The following PCDH11X variants were observed in gnomAD, a reference collection of about 807,000 sequenced individuals.
The protein encoded by PCDH11X is protocadherin-11 X-linked.
In PCDH11X, 18 loss-of-function variants were observed where a neutral mutation model predicts 53.3. The observed-to-expected ratio is 0.34, with a 90% confidence interval of 0.23 to 0.50. PCDH11X has a LOEUF of 0.50. Among genes scored for constraint, PCDH11X ranks in the 20% least tolerant of loss-of-function variants. The pLI is 0.98. For missense variants in PCDH11X, 570 were observed against 1,032.4 expected, an observed-to-expected ratio of 0.55 and a Z score of 6.14; for synonymous variants, 279 against 393.3, an observed-to-expected ratio of 0.71 and a Z score of 3.44.
intron 1 of PCDH11X, among the ~76,000 whole-genome samples, chrX:91,803,670 A>G (rs1322641213): frequency 9.0e-6 from 1 of 111,512 alleles, no homozygotes; most frequent in African/African-American, 3.3e-5. Context: ...ATAACAGTGC[A>G]TATATCATAA....
chrX:92,004,077 T>C (rs1419083867), intron 6 of PCDH11X, among the ~76,000 whole-genome samples: 1 of 109,786 alleles, frequency 9.1e-6, no homozygotes, highest in African/African-American at 3.3e-5. Flanking sequence ...TTTTGGTATG[T>C]TGTGTTTCCA....
intron 6 of PCDH11X, among the ~76,000 whole-genome samples, chrX:92,186,647 A>AG (rs56064309): frequency 9.3e-6 from 1 of 107,185 alleles, no homozygotes; most frequent in Non-Finnish European, 1.9e-5. Context: ...AAAAAAAAAA[A>AG]GAGAATAGTT....
chrX:92,220,897 T>C (rs1450387920), intron 7 of PCDH11X, among the ~76,000 whole-genome samples: 1 of 106,534 alleles, frequency 9.4e-6, no homozygotes, highest in Non-Finnish European at 1.9e-5. Context: ...ATGTCCTTTG[T>C]AAGGACATGG....
intron 8 of PCDH11X, among the ~76,000 whole-genome samples, chrX:92,275,708 A>G (rs1218794689): frequency 2.7e-5 from 3 of 111,745 alleles, no homozygotes; most frequent in Non-Finnish European, 3.8e-5. Context: ...GACAGGTAAA[A>G]TGGGGGAATG....
intron 8 of PCDH11X, among the ~76,000 whole-genome samples, chrX:92,307,720 G>T (rs1013164259): frequency 2.0e-5 from 2 of 100,183 alleles, no homozygotes; most frequent in South Asian, 9.9e-4. Context: ...TTGCATGAAG[G>T]TCTCATGGCA....
At chrX:91,783,165 G>A (rs1935218392) in intron 1 of PCDH11X, among the ~76,000 whole-genome samples, 1 of 111,903 alleles carries the variant, frequency 8.9e-6, no homozygotes, top group African/African-American at 3.3e-5. Context: ...TCTTCCCTTT[G>A]ATGAAAAGCT....
intron 7 of PCDH11X, among the ~76,000 whole-genome samples, chrX:92,254,501 T>C (rs2067524643): frequency 2.8e-5 from 3 of 108,672 alleles, no homozygotes; most frequent in African/African-American, 1.0e-4. Context: ...AGCTGGTTAT[T>C]TTGCGCGTTA....
At chrX:92,345,011 T>A (rs1170710389) in intron 8 of PCDH11X, among the ~76,000 whole-genome samples, 10 of 109,545 alleles carry the variant, frequency 9.1e-5, no homozygotes, top group Non-Finnish European at 1.7e-4. Flanking sequence ...TCTTTCCTTT[T>A]TAAAAATATT....
intron 8 of PCDH11X, among the ~76,000 whole-genome samples, chrX:92,363,455 T>A (rs1315004455): frequency 1.8e-5 from 2 of 111,182 alleles, no homozygotes; most frequent in African/African-American, 6.5e-5. Context: ...ATATTGTTCA[T>A]TGTTAGTGTT....
At chrX:92,136,200 A>G (rs2065080200) in intron 6 of PCDH11X, among the ~76,000 whole-genome samples, 1 of 110,862 alleles carries the variant, frequency 9.0e-6, no homozygotes, top group Admixed American at 9.8e-5. Context: ...CTGAGCAAAG[A>G]TTTGAAAGAC....
At chrX:92,134,455 T>C (rs1293014633) in intron 6 of PCDH11X, among the ~76,000 whole-genome samples, 1 of 111,100 alleles carries the variant, frequency 9.0e-6, no homozygotes, top group Non-Finnish European at 1.9e-5. Flanking sequence ...AACTAATTAC[T>C]TTGACAATAC....
intron 4 of PCDH11X, among the ~76,000 whole-genome samples, chrX:91,812,708 C>A (rs763391115): frequency 1.8e-5 from 2 of 110,872 alleles, no homozygotes; most frequent in Non-Finnish European, 3.8e-5. Context: ...CATTCCTTAC[C>A]TCTCAATCAT....
chrX:91,799,877 C>T (rs1167229543), intron 1 of PCDH11X, among the ~76,000 whole-genome samples: 1 of 111,207 alleles, frequency 9.0e-6, no homozygotes, highest in Non-Finnish European at 1.9e-5. Context: ...TCGCTTGAGG[C>T]CAGGAGTTCG....
chrX:92,275,682 G>C (rs12558621), intron 8 of PCDH11X, among the ~76,000 whole-genome samples: 21,580 of 110,378 alleles, frequency 0.2, 3,427 homozygotes, highest in East Asian at 0.76. Flanking sequence ...AACTTGTAAG[G>C]CTTGTCTGGT....
chrX:91,788,187 T>A (rs1477947263), intron 1 of PCDH11X, among the ~76,000 whole-genome samples: 1 of 111,741 alleles, frequency 8.9e-6, no homozygotes, highest in African/African-American at 3.3e-5. Flanking sequence ...AATAATAGTA[T>A]CTTATCAGAA....
intron 6 of PCDH11X, among the ~76,000 whole-genome samples, chrX:92,136,081 A>T (rs1284126720): frequency 9.0e-6 from 1 of 111,415 alleles, no homozygotes; most frequent in Non-Finnish European, 1.9e-5. Context: ...TTATGTGTTC[A>T]AATTAAGACA....
intron 10 of PCDH11X, among the ~76,000 whole-genome samples, chrX:92,542,633 A>G (rs976317377): frequency 8.9e-6 from 1 of 111,781 alleles, no homozygotes; most frequent in Non-Finnish European, 1.9e-5. Context: ...GTCAACTAAT[A>G]TATAAGATAT....
intron 6 of PCDH11X, among the ~76,000 whole-genome samples, chrX:92,109,215 G>C (rs2148153320): frequency 9.0e-6 from 1 of 110,841 alleles, no homozygotes; most frequent in East Asian, 2.9e-4. Flanking sequence ...TACTAAAAAT[G>C]CAAAAATTAG....
chrX:92,554,590 A>G (rs2075017275), intron 10 of PCDH11X, among the ~76,000 whole-genome samples: 1 of 109,480 alleles, frequency 9.1e-6, no homozygotes, highest in African/African-American at 3.3e-5. Flanking sequence ...TCTTCAGCCT[A>G]TAGCACTTAG....
Sources: allele counts gnomAD v4.1 joint callset (sites outside exome capture counted in the v4.1 genomes callset), GRCh38; gene constraint gnomAD v4.1.1; transcripts MANE v1.5; gene names NCBI Gene and HGNC (gene_info 2026-07-23, HGNC 2026-07-21).